Variants in NOX4 observed in about 807,000 individuals in gnomAD.
NOX4 encodes the protein kidney oxidase-1.
Under a neutral mutation model 87.6 loss-of-function variants are expected in NOX4, and 69 were observed. That is an observed-to-expected ratio of 0.79 (90% CI 0.65 to 0.96). The LOEUF is 0.96. Among genes scored for constraint, NOX4 ranks in the 40% least tolerant of loss-of-function variants. The pLI is 0.00. For synonymous variants in NOX4, 275 were observed against 238.2 expected, an observed-to-expected ratio of 1.15 and a Z score of -1.42; for missense variants, 680 against 681.5, an observed-to-expected ratio of 1.00 and a Z score of 0.02.
At chr11:89,498,851 C>G (rs1946987704), upstream of NOX4, 1 of 152,436 alleles carries the variant, frequency 6.6e-6, no homozygotes, top group Non-Finnish European at 1.5e-5. Flanking sequence ...TTGCCTCTTG[C>G]AAAGCACCAA....
the NOX4 span, among the ~76,000 whole-genome samples, chr11:89,562,526 C>T: frequency 6.6e-6 from 1 of 152,084 alleles, no homozygotes; most frequent in Non-Finnish European, 1.5e-5. Flanking sequence ...ATTCCTACTG[C>T]CTTCAGCCTA....
the NOX4 span, among the ~76,000 whole-genome samples, chr11:89,509,951 T>C: frequency 6.6e-6 from 1 of 151,964 alleles, no homozygotes; most frequent in Admixed American, 6.6e-5. Flanking sequence ...GACCGGGTAA[T>C]GATGGGTAGT....
intron 2 of NOX4, among the ~76,000 whole-genome samples, chr11:89,488,536 A>G (rs895428342): frequency 6.6e-6 from 1 of 152,196 alleles, no homozygotes; most frequent in African/African-American, 2.4e-5. Flanking sequence ...TTGGTTTCCA[A>G]ATAATTATTT....
At chr11:89,408,134 C>T (rs773519513) in intron 8 of NOX4, among the ~76,000 whole-genome samples, 1 of 152,022 alleles carries the variant, frequency 6.6e-6, no homozygotes, top group Non-Finnish European at 1.5e-5. Flanking sequence ...CTGTAGAATC[C>T]ACCAGAATGT....
upstream of NOX4, among the ~76,000 whole-genome samples, chr11:89,500,341 T>C (rs1346502965): frequency 1.4e-4 from 21 of 152,154 alleles, no homozygotes; most frequent in Admixed American, 1.4e-3. Context: ...AGTCCTTTCT[T>C]AAAATTTGTA....
At chr11:89,462,928 G>A (rs1051648356) in intron 2 of NOX4, among the ~76,000 whole-genome samples, 2 of 151,820 alleles carry the variant, frequency 1.3e-5, no homozygotes, top group African/African-American at 2.4e-5. Flanking sequence ...TTTGCAGGAA[G>A]AGAGAAGAAA....
the NOX4 span, among the ~76,000 whole-genome samples, chr11:89,522,169 T>G: frequency 6.6e-6 from 1 of 152,214 alleles, no homozygotes; most frequent in Admixed American, 6.5e-5. Context: ...GCAATCTCTT[T>G]GCTAGGTATA....
At chr11:89,417,608 C>T (rs1256563573) in intron 8 of NOX4, among the ~76,000 whole-genome samples, 1 of 152,070 alleles carries the variant, frequency 6.6e-6, no homozygotes, top group Non-Finnish European at 1.5e-5. Context: ...GTAGTTTTCA[C>T]TATGTTCATC....
the NOX4 span, among the ~76,000 whole-genome samples, chr11:89,525,529 A>G: frequency 6.6e-6 from 1 of 151,756 alleles, no homozygotes; most frequent in Non-Finnish European, 1.5e-5. Flanking sequence ...TTCTTTTATA[A>G]TGTTTCTTAA....
intron 11 of NOX4, among the ~76,000 whole-genome samples, chr11:89,381,021 G>T (rs914973190): frequency 2.9e-4 from 44 of 152,144 alleles, no homozygotes; most frequent in Non-Finnish European, 5.6e-4. Flanking sequence ...ACAAAATGTT[G>T]CCAGTCTTTG....
chr11:89,403,424 T>A (rs1043764848), intron 8 of NOX4, among the ~76,000 whole-genome samples: 1 of 152,156 alleles, frequency 6.6e-6, no homozygotes, highest in Admixed American at 6.6e-5. Flanking sequence ...TAAGGAAAAA[T>A]TTATTTCCAA....
chr11:89,490,513 G>T lies in NOX4; in HGVS notation c.98C>A (p.Thr33Asn). Residue 33 changes from threonine (T) to asparagine (N), a missense_variant, in exon 2 of 18, where the codon ACC (threonine) becomes AAC (asparagine). Coordinates refer to ENST00000263317, the MANE Select transcript of NOX4 (RefSeq NM_016931.5). ...LSMNVLLFWK[T>N]FLLYNQGPEY... ...TGGCCCTTGGTTATACAGCAAGAAGGTTTTCCAGAAAAGCAGGACATTCAT... is the reference window on the plus strand; with the variant it reads ...TGGCCCTTGGTTATACAGCAAGAAGTTTTTCCAGAAAAGCAGGACATTCAT... 2 of 1,614,028 alleles carry T rather than the reference G, an allele frequency of 1.2e-6. No homozygotes were observed. The highest frequency in any genetic ancestry group is 1.7e-6 in the Non-Finnish European group (2 of 1,179,982).
the NOX4 span, among the ~76,000 whole-genome samples, chr11:89,552,740 GA>G: frequency 1.4e-4 from 21 of 152,214 alleles, no homozygotes; most frequent in African/African-American, 5.1e-4. Context: ...GATTTACTGG[GA>G]ATAAACTGAA....
In NOX4 at chr11:89,400,252, C is replaced by T. The variant is rs267603231; in HGVS notation, c.974G>A (p.Arg325Gln). The change falls in exon 10 of 18, where the codon CGA (arginine) becomes CAA (glutamine). Residue 325 changes from arginine (R) to glutamine (Q), a missense_variant. By Grantham distance (43) the Arg-to-Gln change is conservative. Coordinates refer to ENST00000263317, the MANE Select transcript of NOX4 (RefSeq NM_016931.5). ...TGCTTTAAAATTTTCTTTGACCATT[C>T]GGATTTCCATGACATCTGAGGGATG... ...MSHPSDVMEI[R>Q]MVKENFKARP... The T allele has an allele frequency of 2.5e-5, 40 of 1,612,840 alleles. No individual in the cohort carries two copies. The highest frequency in any genetic ancestry group is 6.7e-5 in the East Asian group (3 of 44,816).
chr11:89,386,628 A>C (rs746942165), intron 11 of NOX4, among the ~76,000 whole-genome samples: 9 of 152,052 alleles, frequency 5.9e-5, no homozygotes, highest in African/African-American at 9.7e-5. Context: ...CTGGCTTTGC[A>C]TTTCTCTTTC....
At chr11:89,469,537 A>G (rs1390242131) in intron 2 of NOX4, among the ~76,000 whole-genome samples, 1 of 152,132 alleles carries the variant, frequency 6.6e-6, no homozygotes, top group Non-Finnish European at 1.5e-5. Context: ...CTTTAGAATA[A>G]AAAATCTGTA....
At chr11:89,475,863 A>T (rs1414620646) in intron 2 of NOX4, among the ~76,000 whole-genome samples, 2 of 152,108 alleles carry the variant, frequency 1.3e-5, no homozygotes, top group African/African-American at 2.4e-5. Flanking sequence ...ATTAAGTATT[A>T]TCCAACCTCT....
intron 16 of NOX4, among the ~76,000 whole-genome samples, chr11:89,336,914 T>C (rs1004037018): frequency 4.6e-5 from 7 of 152,030 alleles, no homozygotes; most frequent in Non-Finnish European, 1.0e-4. Flanking sequence ...TATACACCAG[T>C]CCAGCTCTTC....
Position 89,421,986 on chromosome 11 carries a change from CA to C in NOX4, c.549-5del, listed in dbSNP as rs1330169611. ...GAAGATATCATAGTTAGAAACTCTG[CA>C]AAAACAAATACACTCATTTTAATGC... On this transcript the variant is annotated splice_region_variant and splice_polypyrimidine_tract_variant and intron_variant, in intron 7 of 17. Transcript: ENST00000263317. 9 of 1,467,976 alleles carry C rather than the reference CA, an allele frequency of 6.1e-6. 1 individual carries two copies. Among genetic ancestry groups the C allele is most frequent in the Non-Finnish European group, 8.3e-6 (9 of 1,082,308 alleles). The allele number at this position is 1,467,976 out of a possible 1,614,324, so 90.9% of individuals were successfully genotyped here.
Sources: allele counts gnomAD v4.1 joint callset (sites outside exome capture counted in the v4.1 genomes callset), GRCh38; gene constraint gnomAD v4.1.1; transcripts MANE v1.5; gene names NCBI Gene and HGNC (gene_info 2026-07-23, HGNC 2026-07-21).